FBXO25: variants seen among roughly 807,000 people sequenced by gnomAD.
FBXO25 encodes F-box protein 25, also known as F-box only protein 25.
In FBXO25, 45 loss-of-function variants were observed where a neutral mutation model predicts 51.9. That is an observed-to-expected ratio of 0.87 (90% CI 0.68 to 1.11). The LOEUF is 1.11. Ranked by LOEUF, FBXO25 falls within the 50% of genes most tolerant of loss-of-function variation. The probability of loss-of-function intolerance (pLI) is 0.00; values close to 1 mark genes in which losing one functional copy is unlikely to be tolerated. For synonymous variants in FBXO25, 199 were observed against 151.0 expected, an observed-to-expected ratio of 1.32 and a Z score of -2.33; for missense variants, 507 against 428.5, an observed-to-expected ratio of 1.18 and a Z score of -1.62.
At chr8:436,239 G>C (rs1798095459) in intron 5 of FBXO25, among the ~76,000 whole-genome samples, 1 of 152,056 alleles carries the variant, frequency 6.6e-6, no homozygotes, top group Non-Finnish European at 1.5e-5. Flanking sequence ...AAGGATCTTA[G>C]CCATATATTC....
At chr8:447,131 C>T (rs1227307714) in intron 5 of FBXO25, among the ~76,000 whole-genome samples, 1 of 152,166 alleles carries the variant, frequency 6.6e-6, no homozygotes, top group South Asian at 2.1e-4. Context: ...GAGGCTGAGT[C>T]GCAGATGTTC....
intron 7 of FBXO25, among the ~76,000 whole-genome samples, chr8:456,414 G>A (rs764062766): frequency 3.3e-5 from 5 of 152,092 alleles, no homozygotes; most frequent in Admixed American, 6.5e-5. Context: ...TATGCTAGAC[G>A]ATAAAGATGG....
chr8:411,239 G>A lies in FBXO25; in HGVS notation c.-7-1834G>A, dbSNP rs1363779709. ...CTACCTTTCTGTAGCTAAATTCAAC[G>A]TATATTTTCAACTCTTGCCATGCTT... On this transcript the variant is annotated intron_variant, in intron 1 of 9. Transcript: ENST00000350302. Among the ~76,000 whole-genome samples the A allele has an allele frequency of 7.2e-5, 11 of 152,240 alleles. No individual in the cohort carries two copies. The South Asian group carries it at 8.3e-4, about 11-fold the overall frequency.
rs773841250 is a variant in FBXO25 at position 468,707 on chromosome 8, C to A, written c.988-8C>A. The A allele has an allele frequency of 1.2e-6, 2 of 1,612,808 alleles. No individual in the cohort carries two copies. Among genetic ancestry groups the A allele is most frequent in the Admixed American group, 1.7e-5 (1 of 59,932 alleles). On this transcript the variant is annotated splice_polypyrimidine_tract_variant and splice_region_variant and intron_variant, in intron 9 of 9. Transcript: ENST00000350302. ...GCCCCCTCCTAACCATCTCCCACCT[C>A]CCCACAGGACTCAGGACACCCCTGC...
At chr8:414,012 T>C (rs971052214) in intron 2 of FBXO25, among the ~76,000 whole-genome samples, 10 of 152,216 alleles carry the variant, frequency 6.6e-5, no homozygotes, top group Non-Finnish European at 1.3e-4. Flanking sequence ...ATGGGTCTAG[T>C]CATTTATTGT....
intron 5 of FBXO25, among the ~76,000 whole-genome samples, chr8:440,703 C>T (rs1357263753): frequency 5.3e-5 from 8 of 152,128 alleles, no homozygotes; most frequent in African/African-American, 1.2e-4. Context: ...CCGTCATCTA[C>T]ATTAGGTATT....
chr8:444,704 C>T (rs184663953), intron 5 of FBXO25, among the ~76,000 whole-genome samples: 43 of 152,248 alleles, frequency 2.8e-4, no homozygotes, highest in African/African-American at 9.1e-4. Flanking sequence ...AATGACCGAC[C>T]GCGTGTAGTG....
chr8:452,976 A>T (rs1358471698), intron 7 of FBXO25, among the ~76,000 whole-genome samples: 3 of 152,114 alleles, frequency 2.0e-5, no homozygotes, highest in Non-Finnish European at 4.4e-5. Flanking sequence ...ATAATAGTGC[A>T]TGTGGCCCCA....
chr8:411,168 A>G (rs1796464284), intron 1 of FBXO25, among the ~76,000 whole-genome samples: 1 of 152,234 alleles, frequency 6.6e-6, no homozygotes, highest in Non-Finnish European at 1.5e-5. Context: ...GGGACGTGAA[A>G]TTAAAGTAAT....
intron 4 of FBXO25, 168 bp from the exon 5 acceptor site, chr8:435,447 A>T: frequency 1.2e-6 from 1 of 847,258 alleles, no homozygotes; most frequent in Non-Finnish European, 1.8e-6. Context: ...TTAAATTATT[A>T]GCATTGCTAT....
intron 1 of FBXO25, among the ~76,000 whole-genome samples, chr8:410,396 C>T (rs1273537254): frequency 6.6e-6 from 1 of 151,520 alleles, no homozygotes; most frequent in African/African-American, 2.4e-5. Context: ...TGTATTTGGT[C>T]TGTTAGCAAT....
At chr8:460,384 A>G (rs1026303616) in intron 8 of FBXO25, among the ~76,000 whole-genome samples, 24 of 152,226 alleles carry the variant, frequency 1.6e-4, no homozygotes, top group Admixed American at 3.9e-4. Flanking sequence ...TTCTTAACTG[A>G]ATCATAAAAA....
intron 5 of FBXO25, among the ~76,000 whole-genome samples, chr8:438,337 G>T (rs1324493051): frequency 6.6e-6 from 1 of 152,192 alleles, no homozygotes; most frequent in Non-Finnish European, 1.5e-5. Context: ...AGGATTACAG[G>T]TGTGAGCCAC....
At chr8:436,848 C>T (rs1798134379) in intron 5 of FBXO25, among the ~76,000 whole-genome samples, 1 of 152,186 alleles carries the variant, frequency 6.6e-6, no homozygotes, top group African/African-American at 2.4e-5. Flanking sequence ...CATCTGTCTA[C>T]ATAAAAGGAT....
intron 8 of FBXO25, among the ~76,000 whole-genome samples, chr8:458,812 C>G (rs1465670067): frequency 6.6e-6 from 1 of 152,200 alleles, no homozygotes; most frequent in African/African-American, 2.4e-5. Context: ...TCTTTTCTCT[C>G]CTGTTGATAA....
At chr8:417,185 A>G (rs981687566) in intron 2 of FBXO25, among the ~76,000 whole-genome samples, 1 of 152,214 alleles carries the variant, frequency 6.6e-6, no homozygotes, top group Non-Finnish European at 1.5e-5. Flanking sequence ...CCAGCTGTGA[A>G]GTACCTGTTG....
chr8:416,112 A>G (rs949020670), intron 2 of FBXO25, among the ~76,000 whole-genome samples: 9 of 152,100 alleles, frequency 5.9e-5, no homozygotes, highest in African/African-American at 1.7e-4. Context: ...TCACTCATTT[A>G]TTCTTCCACT....
intron 2 of FBXO25, among the ~76,000 whole-genome samples, chr8:419,356 C>T (rs1222313527): frequency 1.3e-5 from 2 of 152,056 alleles, no homozygotes; most frequent in East Asian, 3.9e-4. Context: ...GCAACAAGAG[C>T]AAAACTCCAT....
chr8:461,241 C>T (rs1227472200), intron 8 of FBXO25, among the ~76,000 whole-genome samples: 1 of 152,226 alleles, frequency 6.6e-6, no homozygotes, highest in African/African-American at 2.4e-5. Flanking sequence ...GCCATCACTA[C>T]AGTCGATGTT....
Sources: gnomAD v4.1 joint callset for allele counts (sites outside exome capture counted in the v4.1 genomes callset) on GRCh38, gnomAD v4.1.1 for gene constraint, MANE v1.5 for transcripts, NCBI Gene and HGNC (gene_info 2026-07-23, HGNC 2026-07-21) for gene names.